The following H2BW1 variants were observed in gnomAD, a reference collection of about 807,000 sequenced individuals.
H2BW1 encodes the protein H2B.W histone 1.
A neutral mutation model predicts 8.0 loss-of-function variants in H2BW1; 9 were observed. The observed-to-expected ratio is 1.13, with a 90% confidence interval of 0.68 to 1.97. H2BW1 has a LOEUF of 1.97. Among genes scored for constraint, H2BW1 ranks in the 30% most tolerant of loss-of-function variants. The probability of loss-of-function intolerance (pLI) is 0.00; values close to 1 mark genes in which losing one functional copy is unlikely to be tolerated. For synonymous variants in H2BW1, 58 were observed against 54.7 expected (o/e 1.06, Z -0.26); for missense variants, 137 against 132.0 (o/e 1.04, Z -0.19).
Position 104,013,601 on chromosome X carries a change from G to A in H2BW1, c.-25C>T. The A allele has an allele frequency of 8.3e-7, 1 of 1,211,189 alleles. No homozygotes were observed. The highest frequency in any genetic ancestry group is 1.1e-6 in the Non-Finnish European group (1 of 895,130). On this transcript the variant is annotated 5_prime_UTR_variant, in exon 1 of 3. Coordinates refer to ENST00000217926, the MANE Select transcript of H2BW1 (RefSeq NM_001002916.5). ...TGGCGGAGGCAGTGGCCATTAGATGGCACGACCAGACAATGGCGGTTGTGG... is the reference window on the plus strand; with the variant it reads ...TGGCGGAGGCAGTGGCCATTAGATGACACGACCAGACAATGGCGGTTGTGG...
At chrX:104,012,954 A>G (rs782257195) in intron 1 of H2BW1, among the ~76,000 whole-genome samples, 55 of 112,507 alleles carry the variant, frequency 4.9e-4, no homozygotes, top group Non-Finnish European at 8.8e-4. Context: ...GGAGCTGACA[A>G]TGTTTAGTAC....
intron 1 of H2BW1, among the ~76,000 whole-genome samples, 167 bp downstream of exon 1, chrX:104,013,003 G>A (rs1468656971): frequency 5.4e-5 from 6 of 111,964 alleles, no homozygotes; most frequent in African/African-American, 2.0e-4. Flanking sequence ...GATGCCACAC[G>A]CCACATGCCC....
chrX:104,012,548 T>C (rs2075128964), intron 2 of H2BW1, 142 bp downstream of exon 2: 1 of 921,725 alleles, frequency 1.1e-6, no homozygotes, highest in Non-Finnish European at 1.5e-6. Context: ...ACTGCAATAG[T>C]GATCTCAGAG....
Position 104,013,705 on chromosome X carries a change from T to C in H2BW1, c.-129A>G, listed in dbSNP as rs1221941927. On this transcript the variant is annotated 5_prime_UTR_variant, in exon 1 of 3. Coordinates refer to ENST00000217926, the MANE Select transcript of H2BW1 (RefSeq NM_001002916.5). The stretch of plus-strand genomic sequence containing the variant: ...GCTTCACGTCTGATTGGATGAAGTG[T>C]CACGCAGGGAGCCTCTCAGCAAACC... The C allele has an allele frequency of 2.6e-6, 3 of 1,167,979 alleles. No homozygotes were observed. The African/African-American group carries it at 5.3e-5, about 21-fold the overall frequency.
chrX:104,013,364 G>A lies in H2BW1; in HGVS notation c.213C>T (p.Ser71=). Residue 71 remains serine, a synonymous_variant, in exon 1 of 3, where the codon TCC becomes TCT. Coordinates refer to ENST00000217926, the MANE Select transcript of H2BW1 (RefSeq NM_001002916.5). ...LKQVHQGLSL[S]REAVSVMDSL... is the part of the protein sequence containing the mutation. ...AATCCATGACACTCACGGCCTCCCG[G>A]GAAAGGCTGAGGCCCTGGTGAACCT... The A allele has an allele frequency of 8.2e-7, 1 of 1,212,316 alleles. No homozygotes were observed. Among genetic ancestry groups the A allele is most frequent in the Non-Finnish European group, 1.1e-6 (1 of 895,635 alleles).
intron 1 of H2BW1, 61 bp from the exon 2 acceptor site, chrX:104,012,809 A>G: frequency 8.3e-7 from 1 of 1,198,008 alleles, no homozygotes; most frequent in East Asian, 3.0e-5. Flanking sequence ...AGATCAGTGC[A>G]GTAATAATAT....
chrX:104,012,490 T>C (rs1219911137), intron 2 of H2BW1, among the ~76,000 whole-genome samples, 200 bp downstream of exon 2: 1 of 112,782 alleles, frequency 8.9e-6, no homozygotes, highest in Admixed American at 9.3e-5. Flanking sequence ...CGAAGGTTTC[T>C]GTTTAAAAAG....
Position 104,012,543 on chromosome X carries a change from A to G in H2BW1, c.*22+147T>C, listed in dbSNP as rs2075128955. 4.5e-6 allele frequency: 4 copies of G among 890,799 alleles called. No homozygotes were observed. In the Admixed American group the frequency reaches 1.4e-4, roughly 31 times the overall value. 73.4% of individuals were successfully genotyped at this position (890,799 alleles called of 1,213,427 possible). On this transcript the variant is annotated intron_variant, in intron 2 of 2. Transcript: ENST00000217926. ...TCATGGCAAAAAAAGAATGAACTGC[A>G]ATAGTGATCTCAGAGTCGAGGAAGC...
Position 104,013,649 on chromosome X carries a change from G to A in H2BW1, c.-73C>T, listed in dbSNP as rs782330006. ...TGGACCGGGGAAGCCGGGGCACTTC[G>A]GTACGCAGCATGGCTCCACGTCTCG... On this transcript the variant is annotated 5_prime_UTR_variant, in exon 1 of 3. Coordinates refer to ENST00000217926, the MANE Select transcript of H2BW1 (RefSeq NM_001002916.5). 7 of 1,202,279 alleles carry A rather than the reference G, an allele frequency of 5.8e-6. No individual in the cohort carries two copies. The East Asian group carries it at 9.0e-5, about 15-fold the overall frequency.
intron 2 of H2BW1, 36 bp downstream of exon 2, chrX:104,012,654 G>T (rs1240557271): frequency 2.5e-6 from 3 of 1,209,427 alleles, no homozygotes; most frequent in Non-Finnish European, 3.4e-6. Flanking sequence ...ATGGATTCGT[G>T]ATGGGAGCGG....
intron 2 of H2BW1, among the ~76,000 whole-genome samples, chrX:104,012,327 G>A (rs1196146559): frequency 3.6e-5 from 4 of 111,732 alleles, no homozygotes; most frequent in Non-Finnish European, 7.5e-5. Context: ...GTGCAAGGCT[G>A]TTGTGGGTTC....
Position 104,013,416 on chromosome X carries a change from G to A in H2BW1, c.161C>T (p.Ala54Val), listed in dbSNP as rs1195516179. The A allele has an allele frequency of 3.3e-6, 4 of 1,210,979 alleles. No homozygotes were observed. The highest frequency in any genetic ancestry group is 2.2e-5 in the Admixed American group (1 of 45,981). Residue 54 changes from alanine to valine, a missense_variant, in exon 1 of 3, where the codon GCC (alanine) becomes GTC (valine). Transcript: ENST00000217926. Reference sequence around the variant, plus strand: ...CTTCAGCACCCGGCGGAAATAGGTGGCGAAGCTGTCCCCGCGGCAGTTGGA... The same window carrying A: ...CTTCAGCACCCGGCGGAAATAGGTGACGAAGCTGTCCCCGCGGCAGTTGGA... ...CHSNCRGDSF[A>V]TYFRRVLKQV... is the part of the protein sequence containing the mutation.
rs370071971 is a variant in H2BW1 at position 104,013,193 on chromosome X, G to A, written c.384C>T (p.Ser128=). The part of the protein sequence containing the change: ...LPGQMGKLAE[S]EGTKAVLRTS... ...ACCTGAGGACAGCCTTCGTGCCTTC[G>A]GACTCGGCGAGCTTGCCCATCTGCC... is the stretch of plus-strand genomic sequence containing the variant. The change falls in exon 1 of 3, where the codon TCC becomes TCT. Residue 128 remains serine, a synonymous_variant. Transcript: ENST00000217926. 8.3e-7 allele frequency: 1 copy of A among 1,207,910 alleles called. No homozygotes were observed. The highest frequency in any genetic ancestry group is 1.8e-5 in the South Asian group (1 of 56,018).
chrX:104,013,372 T>C lies in H2BW1; in HGVS notation c.205A>G (p.Ser69Gly), dbSNP rs1556337765. The change falls in exon 1 of 3, where the codon AGC becomes GGC. Residue 69 changes from serine (S) to glycine (G), a missense_variant. Physicochemically the swap from Ser to Gly is moderately conservative, Grantham distance 56. Coordinates refer to ENST00000217926, the MANE Select transcript of H2BW1 (RefSeq NM_001002916.5). ...ACACTCACGGCCTCCCGGGAAAGGCTGAGGCCCTGGTGAACCTGCTTCAGC... is the reference window on the plus strand; with the variant it reads ...ACACTCACGGCCTCCCGGGAAAGGCCGAGGCCCTGGTGAACCTGCTTCAGC... ...RVLKQVHQGL[S>G]LSREAVSVMD... The C allele has an allele frequency of 1.7e-6, 2 of 1,210,926 alleles. No homozygotes were observed. Among genetic ancestry groups the C allele is most frequent in the African/African-American group, 3.5e-5 (2 of 57,465 alleles).
Position 104,013,304 on chromosome X carries a change from G to A in H2BW1, c.273C>T (p.Thr91=), listed in dbSNP as rs2075131735. The change falls in exon 1 of 3, where the codon ACC becomes ACT. Residue 91 remains threonine, a synonymous_variant. Transcript: ENST00000217926. ...LVHDILDRIA[T]EAGHLARSTK... is the part of the protein sequence containing the mutation. ...TGGAGCGGGCCAGGTGACCAGCCTCGGTGGCGATGCGGTCCAATATGTCAT... is the reference window on the plus strand; with the variant it reads ...TGGAGCGGGCCAGGTGACCAGCCTCAGTGGCGATGCGGTCCAATATGTCAT... 4.1e-6 allele frequency: 5 copies of A among 1,210,546 alleles called. No individual in the cohort carries two copies. Among genetic ancestry groups the A allele is most frequent in the East Asian group, 3.0e-5 (1 of 33,772 alleles).
chrX:104,012,811 T>G, intron 1 of H2BW1, 63 bp from the exon 2 acceptor site: 16 of 1,196,286 alleles, frequency 1.3e-5, no homozygotes, highest in Non-Finnish European at 1.8e-5. Context: ...ATCAGTGCAG[T>G]AATAATATCA....
In H2BW1 at chrX:104,013,569, C is replaced by G; in HGVS notation, c.8G>C (p.Gly3Ala). The G allele has an allele frequency of 2.5e-6, 3 of 1,211,864 alleles. No homozygotes were observed. The highest frequency in any genetic ancestry group is 3.4e-6 in the Non-Finnish European group (3 of 895,517). Residue 3 changes from glycine (G) to alanine (A), a missense_variant, in exon 1 of 3, where the codon GGA becomes GCA. Transcript: ENST00000217926. Reference protein sequence around the residue: MAGPSSETTSEEQ... With the variant: MAAPSSETTSEEQ... ...CTCAGAGGTCGTCTCAGAGGAAGGT[C>G]CAGCCATGGCGGAGGCAGTGGCCAT...
In H2BW1 at chrX:104,013,193, G is replaced by C. The variant is rs370071971; in HGVS notation, c.384C>G (p.Ser128=). 1.5e-5 allele frequency: 18 copies of C among 1,206,605 alleles called. No homozygotes were observed. Among genetic ancestry groups the C allele is most frequent in the Non-Finnish European group, 1.7e-5 (15 of 893,239 alleles). ...LPGQMGKLAE[S]EGTKAVLRTS... is the part of the protein sequence containing the mutation. Reference sequence around the variant, plus strand: ...ACCTGAGGACAGCCTTCGTGCCTTCGGACTCGGCGAGCTTGCCCATCTGCC... The same window carrying C: ...ACCTGAGGACAGCCTTCGTGCCTTCCGACTCGGCGAGCTTGCCCATCTGCC... The change falls in exon 1 of 3, where the codon TCC becomes TCG. Residue 128 remains serine (S), a synonymous_variant. Coordinates refer to ENST00000217926, the MANE Select transcript of H2BW1 (RefSeq NM_001002916.5).
At chrX:104,013,088 A>G (rs2075130701) in intron 1 of H2BW1, 82 bp downstream of exon 1, 5 of 1,120,657 alleles carry the variant, frequency 4.5e-6, no homozygotes, top group Non-Finnish European at 5.9e-6. Flanking sequence ...CTTTCAGGCC[A>G]CATTCAGTGG....
Sources: gnomAD v4.1 joint callset for allele counts (sites outside exome capture counted in the v4.1 genomes callset) on GRCh38, gnomAD v4.1.1 for gene constraint, MANE v1.5 for transcripts, NCBI Gene and HGNC (gene_info 2026-07-23, HGNC 2026-07-21) for gene names.